Variants in DLGAP2 observed in about 807,000 individuals in gnomAD.
DLGAP2 encodes the protein disks large-associated protein 2.
DLGAP2 carries 26 observed loss-of-function variants against 100.3 expected under a neutral mutation model. That is an observed-to-expected ratio of 0.26 (90% CI 0.19 to 0.36). The LOEUF is 0.36. Ranked by LOEUF, DLGAP2 falls within the 10% of genes least tolerant of loss-of-function variation. The pLI, the probability that DLGAP2 is intolerant of heterozygous loss-of-function variation, is 1.00. For missense variants in DLGAP2, 1,858 were observed against 1,453.2 expected, an observed-to-expected ratio of 1.28 and a Z score of -4.53; for synonymous variants, 886 against 630.1, an observed-to-expected ratio of 1.41 and a Z score of -6.08.
At chr8:1,382,247 T>C (rs1483191407) in intron 3 of DLGAP2, among the ~76,000 whole-genome samples, 1 of 152,236 alleles carries the variant, frequency 6.6e-6, no homozygotes, top group Non-Finnish European at 1.5e-5. Flanking sequence ...ATACATGTAC[T>C]GTTTATTAAA....
At chr8:1,430,913 ATTCTGAC>A (rs1584893681) in intron 3 of DLGAP2, among the ~76,000 whole-genome samples, 1 of 152,224 alleles carries the variant, frequency 6.6e-6, no homozygotes, top group Non-Finnish European at 1.5e-5. Flanking sequence ...CTGGTTTCCT[ATTCTGAC>A]TCGGCTGTTG....
chr8:951,685 G>C (rs1342054318), intron 2 of DLGAP2, among the ~76,000 whole-genome samples: 1 of 152,192 alleles, frequency 6.6e-6, no homozygotes, highest in Non-Finnish European at 1.5e-5. Flanking sequence ...GCTGTGCTGG[G>C]ACATGTCCAG....
chr8:742,647 A>G (rs572411355), intron 1 of DLGAP2, among the ~76,000 whole-genome samples: 56 of 151,614 alleles, frequency 3.7e-4, no homozygotes, highest in African/African-American at 1.3e-3. Context: ...TAGTTGGTGT[A>G]TGTCACCGCA....
At chr8:1,431,734 C>A (rs993757906) in intron 3 of DLGAP2, among the ~76,000 whole-genome samples, 2 of 150,310 alleles carry the variant, frequency 1.3e-5, no homozygotes, top group Non-Finnish European at 3.0e-5. Flanking sequence ...GGCTATTGGG[C>A]AGCTTACTCA....
chr8:835,719 C>G (rs149600790), intron 1 of DLGAP2, among the ~76,000 whole-genome samples: 47 of 152,140 alleles, frequency 3.1e-4, no homozygotes, highest in African/African-American at 1.1e-3. Context: ...GCTGCGTCAC[C>G]AAATGTCTGA....
At chr8:1,172,109 T>C (rs1196432261) in intron 2 of DLGAP2, among the ~76,000 whole-genome samples, 4 of 151,844 alleles carry the variant, frequency 2.6e-5, no homozygotes, top group Non-Finnish European at 5.9e-5. Context: ...CATTTGCTTG[T>C]CTGTAAAGTA....
chr8:1,697,306 G>A lies in DLGAP2; in HGVS notation c.2949+7G>A. On this transcript the variant is annotated splice_region_variant and intron_variant, in intron 14 of 14. Transcript: ENST00000637795. Reference sequence around the variant, plus strand: ...GGAGTCCCCGGAAAGAAAGGTAAGGGCATCCATGCAGGGCCGGCTCCCAGC... The same window carrying A: ...GGAGTCCCCGGAAAGAAAGGTAAGGACATCCATGCAGGGCCGGCTCCCAGC... 1 of 1,596,490 alleles carries A rather than the reference G, an allele frequency of 6.3e-7. No individual in the cohort carries two copies. Among genetic ancestry groups the A allele is most frequent in the Non-Finnish European group, 8.5e-7 (1 of 1,169,654 alleles).
At chr8:1,635,071 A>T (rs569269357) in intron 8 of DLGAP2, among the ~76,000 whole-genome samples, 6 of 152,344 alleles carry the variant, frequency 3.9e-5, no homozygotes, top group Admixed American at 6.5e-5. Flanking sequence ...AATACTTAGC[A>T]CTGTAGGATT....
In DLGAP2 at chr8:1,175,265, G is replaced by A. The variant is rs75300070; in HGVS notation, c.74-83586G>A. ...ATTTTAAAAAAAAAACCTAAGAAGT[G>A]TGTTAAATTTAGCCCAATAGTGCAT... On this transcript the variant is annotated intron_variant, in intron 2 of 14. Transcript: ENST00000637795. Among the ~76,000 whole-genome samples, 768 of 152,108 alleles carry A rather than the reference G, an allele frequency of 5.0e-3. 17 individuals are homozygous for A. The highest frequency in any genetic ancestry group is 0.046 in the East Asian group (238 of 5,172).
At chr8:1,546,606 G>A (rs1801545345) in intron 4 of DLGAP2, among the ~76,000 whole-genome samples, 1 of 152,154 alleles carries the variant, frequency 6.6e-6, no homozygotes, top group Admixed American at 6.5e-5. Context: ...GTTTGTTTTT[G>A]CCTTGGTTAC....
At chr8:1,684,679 G>A (rs894743580) in intron 12 of DLGAP2, among the ~76,000 whole-genome samples, 3 of 152,004 alleles carry the variant, frequency 2.0e-5, no homozygotes, top group African/African-American at 7.3e-5. Context: ...GCTGCCTATT[G>A]TTAATAAAAG....
Position 1,678,330 on chromosome 8 carries a change from C to A in DLGAP2, c.2405C>A (p.Ser802Tyr). 2.5e-6 allele frequency: 4 copies of A among 1,614,038 alleles called. No individual in the cohort carries two copies. Among genetic ancestry groups the A allele is most frequent in the Non-Finnish European group, 3.4e-6 (4 of 1,179,910 alleles). ...TEDKGLQFGS[S>Y]FQRHSEPSTP... ...GACAAAGGCCTTCAGTTCGGCTCATCCTTCCAGCGGCACTCCGAGCCCAGC... is the reference window on the plus strand; with the variant it reads ...GACAAAGGCCTTCAGTTCGGCTCATACTTCCAGCGGCACTCCGAGCCCAGC... Residue 802 changes from serine to tyrosine, a missense_variant, in exon 12 of 15, where the codon TCC becomes TAC. Physicochemically the swap from Ser to Tyr is moderately radical, Grantham distance 144 (BLOSUM62 -2). Transcript: ENST00000637795.
At chr8:1,166,809 G>A (rs10113837) in intron 2 of DLGAP2, among the ~76,000 whole-genome samples, 70,620 of 151,876 alleles carry the variant, frequency 0.46, 18,703 homozygotes, top group Admixed American at 0.61. Context: ...TCTGGTAAAT[G>A]TAAGTATTGT....
chr8:1,514,735 C>T (rs1800299263), intron 4 of DLGAP2, among the ~76,000 whole-genome samples: 1 of 152,198 alleles, frequency 6.6e-6, no homozygotes, highest in Admixed American at 6.5e-5. Context: ...AGGATGGGCA[C>T]ACGCTGCAGG....
At chr8:1,113,700 C>T (rs1404324298) in intron 2 of DLGAP2, among the ~76,000 whole-genome samples, 2 of 151,968 alleles carry the variant, frequency 1.3e-5, no homozygotes, top group Non-Finnish European at 2.9e-5. Context: ...TTTTCTATTG[C>T]CTGATTGCCC....
At chr8:1,188,626 T>G (rs925811848) in intron 2 of DLGAP2, among the ~76,000 whole-genome samples, 1 of 152,164 alleles carries the variant, frequency 6.6e-6, no homozygotes, top group Non-Finnish European at 1.5e-5. Context: ...TCACGGAATC[T>G]CACAGCTCCT....
Position 1,381,311 on chromosome 8 carries a change from T to C in DLGAP2, c.107-120055T>C, listed in dbSNP as rs1034102032. On this transcript the variant is annotated intron_variant, in intron 3 of 14. Coordinates refer to ENST00000637795, the MANE Select transcript of DLGAP2 (RefSeq NM_001346810.2). ...ATTGGCAAAGATTAATACTAGCCAA[T>C]GTTAGCAAAGACATGAAAAAATGGG... The C allele has an allele frequency of 2.0e-5, 3 of 152,326 alleles. No homozygotes were observed. In the East Asian group the frequency reaches 5.8e-4, roughly 29 times the overall value. The allele number at this position is 152,326 out of a possible 1,614,324, so 9.4% of individuals were successfully genotyped here.
intron 2 of DLGAP2, among the ~76,000 whole-genome samples, chr8:1,133,428 G>T (rs1023903863): frequency 5.3e-5 from 8 of 152,056 alleles, no homozygotes; most frequent in African/African-American, 1.7e-4. Context: ...AAATATATAT[G>T]AATAAAAATA....
rs568540018 is a variant in DLGAP2 at position 936,246 on chromosome 8, C to G, written c.73+28280C>G. ...AGAGGGCCAGAGCAAGCAGCCTTGA[C>G]TGCTCCCATCAAGAAAGAGAAGGGG... On this transcript the variant is annotated intron_variant, in intron 2 of 14. Transcript: ENST00000637795. 1.7e-4 allele frequency among the ~76,000 whole-genome samples: 26 copies of G among 152,292 alleles called. No homozygotes were observed. The East Asian group carries it at 5.0e-3, about 29-fold the overall frequency.
Sources: allele counts gnomAD v4.1 joint callset (sites outside exome capture counted in the v4.1 genomes callset), GRCh38; gene constraint gnomAD v4.1.1; transcripts MANE v1.5; gene names NCBI Gene and HGNC (gene_info 2026-07-23, HGNC 2026-07-21).